The following NSMAF variants were observed in gnomAD, a reference collection of about 807,000 sequenced individuals.
NSMAF encodes the protein protein FAN.
A neutral mutation model predicts 134.9 loss-of-function variants in NSMAF; 90 were observed. The observed-to-expected ratio is 0.67, with a 90% CI of 0.56 to 0.79. The LOEUF (loss-of-function observed/expected upper bound fraction) is 0.79, where lower values mean the gene tolerates loss of function less well. Among genes scored for constraint, NSMAF ranks in the 30% least tolerant of loss-of-function variants. The pLI, the probability that NSMAF is intolerant of heterozygous loss-of-function variation, is 0.00. For missense variants in NSMAF, 1,010 were observed against 1,119.0 expected (o/e 0.90, Z 1.39); for synonymous variants, 358 against 389.6 (o/e 0.92, Z 0.96).
chr8:58,608,791 A>G (rs1448108760), intron 10 of NSMAF, among the ~76,000 whole-genome samples: 1 of 152,172 alleles, frequency 6.6e-6, no homozygotes, highest in Non-Finnish European at 1.5e-5. Flanking sequence ...TTCACTCAGG[A>G]GAGTTTGAGA....
intron 23 of NSMAF, among the ~76,000 whole-genome samples, chr8:58,592,993 T>C (rs1806053324): frequency 6.6e-6 from 1 of 152,178 alleles, no homozygotes; most frequent in African/African-American, 2.4e-5. Context: ...CCTCAGTGGT[T>C]TGAAGCCACA....
intron 1 of NSMAF, among the ~76,000 whole-genome samples, chr8:58,646,308 C>T (rs576014940): frequency 3.3e-5 from 5 of 152,266 alleles, no homozygotes; most frequent in Admixed American, 2.0e-4. Context: ...CTTTCCTAAT[C>T]GCCTCACTCC....
chr8:58,618,812 T>C (rs1048407870), intron 9 of NSMAF, among the ~76,000 whole-genome samples: 1 of 152,198 alleles, frequency 6.6e-6, no homozygotes, highest in African/African-American at 2.4e-5. Context: ...CAAAAAATTA[T>C]CTCCTCAGAA....
intron 12 of NSMAF, 62 bp downstream of exon 12, chr8:58,605,865 G>C (rs1806393536): frequency 7.0e-7 from 1 of 1,434,586 alleles, no homozygotes; most frequent in South Asian, 1.5e-5. Context: ...GGGTGACAGA[G>C]CGAGACTCAG....
In NSMAF at chr8:58,601,480, G is replaced by C; in HGVS notation, c.1181C>G (p.Ser394Cys). The C allele has an allele frequency of 6.2e-7, 1 of 1,612,580 alleles. No homozygotes were observed. Among genetic ancestry groups the C allele is most frequent in the African/African-American group, 1.3e-5 (1 of 74,530 alleles). ...AAGATAAAAAAGTACATAACCCGGG[G>C]AAGAGTAGTGACTCCCATACATGAA... Reference protein sequence around the residue: ...PKFMYGSHYSSPGYVLFYLVR... With the variant: ...PKFMYGSHYSCPGYVLFYLVR... The change falls in exon 15 of 31, where the codon TCC becomes TGC. Residue 394 changes from serine (S) to cysteine (C), a missense_variant. Physicochemically the swap from Ser to Cys is moderately radical, Grantham distance 112. Coordinates refer to ENST00000038176, the MANE Select transcript of NSMAF (RefSeq NM_003580.4).
At chr8:58,630,087 C>T (rs1807023264) in intron 6 of NSMAF, among the ~76,000 whole-genome samples, 1 of 152,204 alleles carries the variant, frequency 6.6e-6, no homozygotes, top group Non-Finnish European at 1.5e-5. Context: ...TCTTCCCAAT[C>T]ATGTGGTGCT....
At chr8:58,637,430 AG>A in intron 2 of NSMAF, 1 of 456,236 alleles carries the variant, frequency 2.2e-6, no homozygotes, top group Non-Finnish European at 4.4e-6. Context: ...TCATTTAAAG[AG>A]AAAAGCAACA....
chr8:58,641,781 A>C (rs1403659287), intron 2 of NSMAF, among the ~76,000 whole-genome samples: 6 of 152,224 alleles, frequency 3.9e-5, no homozygotes, highest in Non-Finnish European at 5.9e-5. Context: ...CTAGATCAAT[A>C]GGTTAATGCA....
At chr8:58,627,691 A>G (rs1246319682) in intron 6 of NSMAF, among the ~76,000 whole-genome samples, 1 of 152,238 alleles carries the variant, frequency 6.6e-6, no homozygotes, top group Non-Finnish European at 1.5e-5. Flanking sequence ...AAAACTATAA[A>G]ACACTATTGA....
intron 23 of NSMAF, among the ~76,000 whole-genome samples, chr8:58,591,640 C>T (rs530475622): frequency 1.8e-4 from 28 of 152,012 alleles, no homozygotes; most frequent in African/African-American, 6.0e-4. Flanking sequence ...GACGTGCACA[C>T]CACGGCTGGC....
At chr8:58,657,634 C>T (rs182835101) in intron 1 of NSMAF, among the ~76,000 whole-genome samples, 360 of 152,346 alleles carry the variant, frequency 2.4e-3, no homozygotes, top group Non-Finnish European at 4.0e-3. Flanking sequence ...GAGACAGATT[C>T]CTGTCATTCA....
intron 2 of NSMAF, among the ~76,000 whole-genome samples, chr8:58,635,843 A>G (rs1807162088): frequency 6.6e-6 from 1 of 152,214 alleles, no homozygotes; most frequent in Admixed American, 6.5e-5. Flanking sequence ...ATGAATCCAG[A>G]AACATCACAC....
intron 1 of NSMAF, among the ~76,000 whole-genome samples, chr8:58,649,360 G>T (rs1017038174): frequency 6.6e-6 from 1 of 152,180 alleles, no homozygotes; most frequent in African/African-American, 2.4e-5. Flanking sequence ...CTCATAGGTG[G>T]AAAGAGATAG....
At chr8:58,602,831 T>C (rs139353415) in intron 13 of NSMAF, among the ~76,000 whole-genome samples, 3 of 152,366 alleles carry the variant, frequency 2.0e-5, no homozygotes, top group Non-Finnish European at 2.9e-5. Context: ...CCAAGTGTTC[T>C]ATAACAAATA....
intron 30 of NSMAF, among the ~76,000 whole-genome samples, chr8:58,584,524 C>G (rs1184422929): frequency 6.6e-6 from 1 of 152,126 alleles, no homozygotes; most frequent in Non-Finnish European, 1.5e-5. Context: ...AGTTGGGAGA[C>G]AGATGTGAAG....
intron 22 of NSMAF, 51 bp from the exon 23 acceptor site, chr8:58,594,341 C>T (rs1806085529): frequency 1.3e-6 from 2 of 1,483,650 alleles, no homozygotes; most frequent in African/African-American, 2.8e-5. Context: ...TGTTAGGATA[C>T]CCTCTTTGTT....
At chr8:58,653,261 C>A (rs1032569365) in intron 1 of NSMAF, among the ~76,000 whole-genome samples, 5 of 151,580 alleles carry the variant, frequency 3.3e-5, no homozygotes, top group Non-Finnish European at 7.4e-5. Flanking sequence ...AGCAAGGGGG[C>A]CTTATTTAAT....
chr8:58,609,597 T>C lies in NSMAF; in HGVS notation c.687+7A>G. The C allele has an allele frequency of 6.2e-7, 1 of 1,613,986 alleles. No individual in the cohort carries two copies. The highest frequency in any genetic ancestry group is 8.5e-7 in the Non-Finnish European group (1 of 1,179,898). ...CAGCTCCCCACCTGACCCTGTGGTC[T>C]ACACACCGGGTAGCCGTTGAGGGGC... On this transcript the variant is annotated splice_region_variant and intron_variant, in intron 10 of 30. Coordinates refer to ENST00000038176, the MANE Select transcript of NSMAF (RefSeq NM_003580.4).
At chr8:58,616,079 A>G (rs1257422571) in intron 9 of NSMAF, among the ~76,000 whole-genome samples, 1 of 152,202 alleles carries the variant, frequency 6.6e-6, no homozygotes, top group East Asian at 1.9e-4. Context: ...AACACAAGTT[A>G]CCAAAACAGG....
Sources: gnomAD v4.1 joint callset for allele counts (sites outside exome capture counted in the v4.1 genomes callset) on GRCh38, gnomAD v4.1.1 for gene constraint, MANE v1.5 for transcripts, NCBI Gene and HGNC (gene_info 2026-07-23, HGNC 2026-07-21) for gene names.